EMP2: variants seen among roughly 807,000 people sequenced by gnomAD.
The protein encoded by EMP2 is epithelial membrane protein 2.
EMP2 carries 19 observed loss-of-function variants against 13.7 expected under a neutral mutation model. That is an observed-to-expected ratio of 1.38 (90% CI 0.97 to 2.03). EMP2 has a LOEUF of 2.03. Ranked by LOEUF, EMP2 falls within the 30% of genes most tolerant of loss-of-function variation. The pLI, the probability that EMP2 is intolerant of heterozygous loss-of-function variation, is 0.00. For synonymous variants in EMP2, 97 were observed against 84.7 expected (o/e 1.15, Z -0.80); for missense variants, 253 against 220.7 (o/e 1.15, Z -0.93).
chr16:10,566,481 C>T (rs999545645), intron 1 of EMP2, among the ~76,000 whole-genome samples: 54 of 152,300 alleles, frequency 3.5e-4, no homozygotes, highest in Non-Finnish European at 5.7e-4. Flanking sequence ...AGACTCCCCC[C>T]TTGATGAAAT....
intron 1 of EMP2, among the ~76,000 whole-genome samples, chr16:10,561,487 G>T (rs1293119865): frequency 6.6e-6 from 1 of 152,126 alleles, no homozygotes; most frequent in African/African-American, 2.4e-5. Flanking sequence ...GGAGGAGTGG[G>T]CACAGAGGTG....
chr16:10,565,662 T>G (rs2050902510), intron 1 of EMP2, among the ~76,000 whole-genome samples: 1 of 152,142 alleles, frequency 6.6e-6, no homozygotes, highest in African/African-American at 2.4e-5. Context: ...ACCTGAGAGC[T>G]GGAAGGTTGA....
chr16:10,573,152 C>A (rs552611549), intron 1 of EMP2, among the ~76,000 whole-genome samples: 1 of 152,150 alleles, frequency 6.6e-6, no homozygotes, highest in Non-Finnish European at 1.5e-5. Flanking sequence ...TGGACTCAAG[C>A]GATCCTCCCA....
At chr16:10,575,605 T>G (rs2050979204) in intron 1 of EMP2, among the ~76,000 whole-genome samples, 1 of 151,896 alleles carries the variant, frequency 6.6e-6, no homozygotes, top group Non-Finnish European at 1.5e-5. Flanking sequence ...ACAGGAAAAT[T>G]CCCCACTGTA....
At chr16:10,575,354 C>T (rs12923686) in intron 1 of EMP2, among the ~76,000 whole-genome samples, 6 of 143,906 alleles carry the variant, frequency 4.2e-5, no homozygotes, top group Non-Finnish European at 7.5e-5. Flanking sequence ...CCCGGGTTCA[C>T]GCCATTTTCC....
chr16:10,542,987 A>G (rs2134991), intron 3 of EMP2, among the ~76,000 whole-genome samples: 17,106 of 152,194 alleles, frequency 0.11, 1,615 homozygotes, highest in African/African-American at 0.25. Flanking sequence ...CTGGGATTAC[A>G]GGCGTGCACC....
chr16:10,532,745 TTTTTTC>T lies in EMP2; in HGVS notation c.*154_*159del. Reference sequence around the variant, plus strand: ...AAAACTCTTCTCTCTTTTGGATTTTTTTTTTCTTTTTTCTTTTTTTTTTTTTTTTTT... The same window carrying T: ...AAAACTCTTCTCTCTTTTGGATTTTTTTTTTTCTTTTTTTTTTTTTTTTTT... On this transcript the variant is annotated 3_prime_UTR_variant, in exon 5 of 5. Transcript: ENST00000359543. 2 of 275,352 alleles carry T rather than the reference TTTTTTC, an allele frequency of 7.3e-6. No individual in the cohort carries two copies. Among genetic ancestry groups the T allele is most frequent in the Non-Finnish European group, 1.1e-5 (2 of 188,276 alleles). The allele number at this position is 275,352 out of a possible 1,614,324, so 17.1% of individuals were successfully genotyped here.
At chr16:10,548,863 A>G (rs1169283290) in intron 1 of EMP2, among the ~76,000 whole-genome samples, 1 of 152,222 alleles carries the variant, frequency 6.6e-6, no homozygotes, top group Non-Finnish European at 1.5e-5. Flanking sequence ...CAGGAAGACT[A>G]TATTTCCTGG....
chr16:10,535,147 G>A (rs2050637436), intron 4 of EMP2, among the ~76,000 whole-genome samples: 1 of 152,062 alleles, frequency 6.6e-6, no homozygotes, highest in South Asian at 2.1e-4. Flanking sequence ...ATGAGTTAGA[G>A]TATCTGCTGC....
intron 1 of EMP2, among the ~76,000 whole-genome samples, chr16:10,572,443 T>C (rs2050954833): frequency 6.9e-6 from 1 of 144,470 alleles, no homozygotes; most frequent in South Asian, 2.2e-4. Flanking sequence ...CGAGATCCTG[T>C]CTCAAAAAAA....
chr16:10,537,838 C>G (rs1489148454), intron 4 of EMP2, 90 bp downstream of exon 4: 1 of 1,543,398 alleles, frequency 6.5e-7, no homozygotes, highest in South Asian at 1.2e-5. Flanking sequence ...TTTCCAAATT[C>G]TCCCTCCTCC....
chr16:10,538,882 C>T (rs1047823087), intron 3 of EMP2, among the ~76,000 whole-genome samples: 11 of 152,112 alleles, frequency 7.2e-5, no homozygotes, highest in Admixed American at 1.3e-4. Flanking sequence ...GTGGCACAAC[C>T]GTAGCTCACT....
intron 1 of EMP2, among the ~76,000 whole-genome samples, chr16:10,560,778 T>A (rs901101987): frequency 4.0e-5 from 6 of 151,396 alleles, no homozygotes; most frequent in Non-Finnish European, 7.4e-5. Flanking sequence ...GGGGAGAGGG[T>A]GTCACAGGCA....
chr16:10,562,336 T>TTCTC (rs540802206), intron 1 of EMP2, among the ~76,000 whole-genome samples: 5,020 of 123,966 alleles, frequency 0.04, 127 homozygotes, highest in East Asian at 0.055. Flanking sequence ...CTCATGCATG[T>TTCTC]TCTCTCTCTC....
rs1255430191 is a variant in EMP2 at position 10,580,362 on chromosome 16, G to C, written c.-61+187C>G. ...ATGGCGAAGTGGAATTCTGGGGCCG[G>C]AGCGAGCGTGGCGCAGACCAGAGGT... On this transcript the variant is annotated intron_variant, in intron 1 of 4. Coordinates refer to ENST00000359543, the MANE Select transcript of EMP2 (RefSeq NM_001424.6). This position sits in a 1 kb window ranked among gnomAD's most constrained non-coding sequence, Gnocchi z 4.3. 6.6e-6 allele frequency among the ~76,000 whole-genome samples: 1 copy of C among 152,212 alleles called. No homozygotes were observed. The highest frequency in any genetic ancestry group is 2.4e-5 in the African/African-American group (1 of 41,454).
intron 1 of EMP2, among the ~76,000 whole-genome samples, chr16:10,565,055 T>C (rs1188444276): frequency 6.6e-6 from 1 of 152,212 alleles, no homozygotes; most frequent in Non-Finnish European, 1.5e-5. Context: ...AGTCCAAGAC[T>C]GGGTTTCTAT....
At chr16:10,534,498 G>C (rs1596367202) in intron 4 of EMP2, among the ~76,000 whole-genome samples, 1 of 152,112 alleles carries the variant, frequency 6.6e-6, no homozygotes, top group Non-Finnish European at 1.5e-5. Context: ...GGGTGCGTTG[G>C]ATCATGCCTG....
intron 1 of EMP2, among the ~76,000 whole-genome samples, chr16:10,577,532 A>G (rs541763849): frequency 6.6e-6 from 1 of 152,182 alleles, no homozygotes; most frequent in South Asian, 2.1e-4. Context: ...CTGGGGTGAG[A>G]AGGGGAGACT....
intron 2 of EMP2, chr16:10,545,564 G>A (rs151098577): frequency 3.2e-5 from 5 of 156,562 alleles, no homozygotes; most frequent in Non-Finnish European, 7.0e-5. Context: ...TAGGCTGCAC[G>A]CTCCTTATGA....
Sources: allele counts gnomAD v4.1 joint callset (sites outside exome capture counted in the v4.1 genomes callset), GRCh38; gene constraint gnomAD v4.1.1; non-coding constraint Gnocchi (gnomAD v3.1); transcripts MANE v1.5; gene names NCBI Gene and HGNC (gene_info 2026-07-23, HGNC 2026-07-21).